The following MAST4 variants were observed in gnomAD, a reference collection of about 807,000 sequenced individuals.
The protein encoded by MAST4 is microtubule-associated serine/threonine-protein kinase 4.
Under a neutral mutation model 162.7 loss-of-function variants are expected in MAST4, and 89 were observed. The observed-to-expected ratio is 0.55, with a 90% CI of 0.46 to 0.65. The LOEUF (loss-of-function observed/expected upper bound fraction) is 0.65, where lower values mean the gene tolerates loss of function less well. Among genes scored for constraint, MAST4 ranks in the 30% least tolerant of loss-of-function variants. MAST4 has a pLI of 0.00. For missense variants in MAST4, 3,153 were observed against 3,374.0 expected (o/e 0.93, Z 1.62); for synonymous variants, 1,479 against 1,361.1 (o/e 1.09, Z -1.91).
At chr5:66,841,791 G>A (rs1758447811) in intron 3 of MAST4, among the ~76,000 whole-genome samples, 1 of 152,050 alleles carries the variant, frequency 6.6e-6, no homozygotes, top group African/African-American at 2.4e-5. Context: ...GCTCTGGCGA[G>A]GCAAATGGGT....
intron 1 of MAST4, among the ~76,000 whole-genome samples, chr5:66,731,381 G>A (rs142572978): frequency 2.0e-5 from 3 of 152,246 alleles, no homozygotes; most frequent in East Asian, 1.9e-4. Flanking sequence ...GAGTTTGCTC[G>A]ATTCTAGGTT....
chr5:66,768,076 A>G (rs1204666237), intron 2 of MAST4, among the ~76,000 whole-genome samples: 1 of 152,212 alleles, frequency 6.6e-6, no homozygotes, highest in Non-Finnish European at 1.5e-5. Flanking sequence ...ATAAGACAAA[A>G]TAGTCATTAA....
In MAST4 at chr5:67,167,167, T is replaced by C. The variant is rs1774150955; in HGVS notation, c.*116T>C. The C allele has an allele frequency of 1.2e-6, 1 of 821,298 alleles. No homozygotes were observed. 50.9% of individuals were successfully genotyped at this position (821,298 alleles called of 1,614,324 possible). Reference sequence around the variant, plus strand: ...TGTCCGCCAGGCAGAGCTCGGAGCCTCATTGAGACAGGGGAGAGAGAAAGA... The same window carrying C: ...TGTCCGCCAGGCAGAGCTCGGAGCCCCATTGAGACAGGGGAGAGAGAAAGA... On this transcript the variant is annotated 3_prime_UTR_variant, in exon 29 of 29. Coordinates refer to ENST00000403625, the MANE Select transcript of MAST4 (RefSeq NM_001164664.2).
At chr5:66,913,353 T>G (rs757060206) in intron 4 of MAST4, among the ~76,000 whole-genome samples, 1 of 151,966 alleles carries the variant, frequency 6.6e-6, no homozygotes, top group Admixed American at 6.6e-5. Flanking sequence ...TTTTAAAAAC[T>G]TTACATAACT....
intron 4 of MAST4, among the ~76,000 whole-genome samples, chr5:66,911,953 C>T (rs968479692): frequency 6.6e-5 from 10 of 152,124 alleles, no homozygotes; most frequent in Non-Finnish European, 1.3e-4. Context: ...ACTTTAGCGT[C>T]GAGTGCCTAA....
chr5:66,638,367 G>A (rs1336284600), intron 1 of MAST4, among the ~76,000 whole-genome samples: 1 of 152,132 alleles, frequency 6.6e-6, no homozygotes, highest in Non-Finnish European at 1.5e-5. Flanking sequence ...ATCTAAGTAA[G>A]TCAATGATAA....
rs1561620431 is a variant in MAST4 at position 67,078,722 on chromosome 5, A to ATATTTATATTTATCTAAATATATATT, written c.764-11414_764-11389dup. The stretch of plus-strand genomic sequence containing the variant: ...TTTATATATAATATTTATTTATATT[A>ATATTTATATTTATCTAAATATATATT]TATTTATATTTATCTAAATATATAT... On this transcript the variant is annotated intron_variant, in intron 5 of 28. Transcript: ENST00000403625. 1.1e-3 allele frequency among the ~76,000 whole-genome samples: 132 copies of ATATTTATATTTATCTAAATATATATT among 114,916 alleles called. 1 individual carries two copies. Among genetic ancestry groups the ATATTTATATTTATCTAAATATATATT allele is most frequent in the African/African-American group, 3.9e-3 (94 of 24,362 alleles). 75.4% of individuals were successfully genotyped at this position (114,916 alleles called of 152,430 possible).
At chr5:66,663,662 A>G (rs1747055725) in intron 1 of MAST4, among the ~76,000 whole-genome samples, 1 of 152,222 alleles carries the variant, frequency 6.6e-6, no homozygotes, top group Admixed American at 6.5e-5. Context: ...AGTGGAAGCC[A>G]CTGTAGCTGG....
chr5:67,159,204 A>G (rs963447074), intron 26 of MAST4, among the ~76,000 whole-genome samples: 1 of 152,380 alleles, frequency 6.6e-6, no homozygotes, highest in East Asian at 1.9e-4. Context: ...AAAAAGCAAC[A>G]TAAAGCTGTA....
chr5:66,629,242 TCTC>T (rs547374311), intron 1 of MAST4, among the ~76,000 whole-genome samples: 3 of 152,296 alleles, frequency 2.0e-5, no homozygotes, highest in African/African-American at 4.8e-5. Context: ...TAAAATATGT[TCTC>T]CTTGCCCCCA....
At position 67,095,600 on chromosome 5, in the gene MAST4, T is replaced by A; in HGVS notation, c.837T>A (p.Thr279=). The A allele has an allele frequency of 2.5e-6, 4 of 1,607,918 alleles. No homozygotes were observed. The highest frequency in any genetic ancestry group is 2.5e-6 in the Non-Finnish European group (3 of 1,176,908). ...GCTAAACTCACTTTCTCAATAGGAC[T>A]GATGGACGCCGCTGGTCGTTGGCTT... is the stretch of plus-strand genomic sequence containing the variant. ...ASAHFSFARR[T]DGRRWSLASL... Residue 279 remains threonine (T), a synonymous_variant, in exon 7 of 29, where the codon ACT becomes ACA. Coordinates refer to ENST00000403625, the MANE Select transcript of MAST4 (RefSeq NM_001164664.2).
chr5:67,058,500 G>C, intron 5 of MAST4, among the ~76,000 whole-genome samples: 1 of 152,284 alleles, frequency 6.6e-6, no homozygotes, highest in Middle Eastern at 3.4e-3. Flanking sequence ...CAAATGGAAA[G>C]GTACCAGTTT....
chr5:66,874,971 T>C (rs913902750), intron 3 of MAST4, among the ~76,000 whole-genome samples: 16 of 152,168 alleles, frequency 1.1e-4, no homozygotes, highest in African/African-American at 3.9e-4. Flanking sequence ...ATAGATGATA[T>C]AATATAAAGG....
intron 3 of MAST4, among the ~76,000 whole-genome samples, chr5:66,840,543 T>C (rs1758347915): frequency 1.6e-5 from 1 of 63,842 alleles, no homozygotes; most frequent in Non-Finnish European, 3.6e-5. Context: ...GTAATAGACA[T>C]GTACATTCAT....
chr5:66,663,388 A>G (rs958843478), intron 1 of MAST4, among the ~76,000 whole-genome samples: 2 of 152,202 alleles, frequency 1.3e-5, no homozygotes, highest in African/African-American at 2.4e-5. Flanking sequence ...AAAGGAGACA[A>G]TTAAACTTAA....
At chr5:66,840,404 A>G (rs1758335844) in intron 3 of MAST4, among the ~76,000 whole-genome samples, 1 of 152,188 alleles carries the variant, frequency 6.6e-6, no homozygotes. Flanking sequence ...CTATATTCCA[A>G]ATATAGATTG....
chr5:67,165,894 G>A lies in MAST4; in HGVS notation c.6715G>A (p.Gly2239Arg). The change falls in exon 29 of 29, where the codon GGG becomes AGG. Residue 2239 changes from glycine (G) to arginine (R), a missense_variant. Gly to Arg is a moderately radical substitution (Grantham distance 125). Coordinates refer to ENST00000403625, the MANE Select transcript of MAST4 (RefSeq NM_001164664.2). ...GTCCCTCGGTGGCTCTAGCAGAGAGGGGAAGGGCCACAGTAAGAGTGGGCC... is the reference window on the plus strand; with the variant it reads ...GTCCCTCGGTGGCTCTAGCAGAGAGAGGAAGGGCCACAGTAAGAGTGGGCC... ...TQSLGGSSRE[G>R]KGHSKSGPDV... The A allele has an allele frequency of 6.2e-7, 1 of 1,613,364 alleles. No homozygotes were observed.
chr5:66,900,018 T>C, intron 4 of MAST4, 36 bp downstream of exon 4: 1 of 1,375,044 alleles, frequency 7.3e-7, no homozygotes, highest in African/African-American at 1.5e-5. Context: ...GTTTTCTTTT[T>C]ATTAATATAT....
chr5:66,691,614 C>T (rs182731104), intron 1 of MAST4, among the ~76,000 whole-genome samples: 26 of 152,242 alleles, frequency 1.7e-4, no homozygotes, highest in African/African-American at 6.0e-4. Context: ...TTCATCGTCT[C>T]GTTAGGGCCC....
Sources: allele counts gnomAD v4.1 joint callset (sites outside exome capture counted in the v4.1 genomes callset), GRCh38; gene constraint gnomAD v4.1.1; transcripts MANE v1.5; gene names NCBI Gene and HGNC (gene_info 2026-07-23, HGNC 2026-07-21).